The following SHISA9 variants were observed in gnomAD, a reference collection of about 807,000 sequenced individuals.
SHISA9 encodes shisa family member 9, also known as protein shisa-9.
A neutral mutation model predicts 38.0 loss-of-function variants in SHISA9; 13 were observed. The observed-to-expected ratio is 0.34, with a 90% CI of 0.22 to 0.54. SHISA9 has a LOEUF of 0.54. Among genes scored for constraint, SHISA9 ranks in the 20% least tolerant of loss-of-function variants. SHISA9 has a pLI of 0.91. For synonymous variants in SHISA9, 275 were observed against 242.0 expected, an observed-to-expected ratio of 1.14 and a Z score of -1.27; for missense variants, 538 against 575.8, an observed-to-expected ratio of 0.93 and a Z score of 0.67.
chr16:12,974,062 C>G (rs555867201), intron 2 of SHISA9, among the ~76,000 whole-genome samples: 1 of 152,258 alleles, frequency 6.6e-6, no homozygotes, highest in Admixed American at 6.5e-5. Context: ...TGCCAGGATT[C>G]TTTGGTGGTA....
chr16:13,148,957 C>T (rs1178524259), intron 2 of SHISA9, among the ~76,000 whole-genome samples: 1 of 152,170 alleles, frequency 6.6e-6, no homozygotes, highest in Non-Finnish European at 1.5e-5. Flanking sequence ...ACTCCAACAG[C>T]TCTGATGTCT....
intron 2 of SHISA9, among the ~76,000 whole-genome samples, chr16:13,097,812 A>G (rs4781406): frequency 0.052 from 7,990 of 152,228 alleles, 349 homozygotes; most frequent in Admixed American, 0.14. Context: ...GAGTTTTAGA[A>G]GTAAGTACAG....
intron 1 of SHISA9, among the ~76,000 whole-genome samples, chr16:12,915,998 TG>T (rs2071249821): frequency 1.2e-5 from 1 of 83,300 alleles, no homozygotes; most frequent in African/African-American, 3.3e-5. Flanking sequence ...TTTTTTTTTG[TG>T]TGTGTGTGTG....
the SHISA9 span, among the ~76,000 whole-genome samples, chr16:13,512,097 G>C: frequency 6.6e-6 from 1 of 152,082 alleles, no homozygotes; most frequent in South Asian, 2.1e-4. Flanking sequence ...AAGCATAAAA[G>C]CAAGCCTCAA....
At chr16:12,991,761 C>G (rs1378646545) in intron 2 of SHISA9, among the ~76,000 whole-genome samples, 1 of 152,022 alleles carries the variant, frequency 6.6e-6, no homozygotes, top group Non-Finnish European at 1.5e-5. Context: ...GTGATCCAAG[C>G]CTGTGTGTTC....
At chr16:13,485,306 C>T in the SHISA9 span, among the ~76,000 whole-genome samples, 9 of 151,942 alleles carry the variant, frequency 5.9e-5, no homozygotes, top group Non-Finnish European at 1.5e-5. Context: ...GTTTTCTGTT[C>T]CTGTGTTAGT....
chr16:13,398,442 A>T, the SHISA9 span, among the ~76,000 whole-genome samples: 1 of 151,474 alleles, frequency 6.6e-6, no homozygotes, highest in Admixed American at 6.6e-5. Flanking sequence ...TTATTTACTT[A>T]TTCGTCTTCC....
chr16:12,928,831 A>G lies in SHISA9; in HGVS notation c.691+12016A>G, dbSNP rs118133151. ...AAAATTTAGTGCATATATCAAGTCA[A>G]AGAATGTCATCAAACAATTCTTTGA... On this transcript the variant is annotated intron_variant, in intron 2 of 4. Coordinates refer to ENST00000558583, the MANE Select transcript of SHISA9 (RefSeq NM_001145204.3). Among the ~76,000 whole-genome samples, 59 of 152,368 alleles carry G rather than the reference A, an allele frequency of 3.9e-4. No homozygotes were observed. In the East Asian group the frequency reaches 0.011, roughly 27 times the overall value.
At chr16:13,090,420 T>C (rs1248682754) in intron 2 of SHISA9, among the ~76,000 whole-genome samples, 1 of 152,190 alleles carries the variant, frequency 6.6e-6, no homozygotes, top group Non-Finnish European at 1.5e-5. Flanking sequence ...TCTCCCATTA[T>C]TATTATGTGG....
the SHISA9 span, among the ~76,000 whole-genome samples, chr16:13,555,618 G>C: frequency 6.6e-6 from 1 of 152,178 alleles, no homozygotes; most frequent in South Asian, 2.1e-4. Flanking sequence ...TGCCTGGGGA[G>C]GTAGCAAGTT....
intron 2 of SHISA9, among the ~76,000 whole-genome samples, chr16:13,173,470 T>C (rs1205561428): frequency 6.8e-6 from 1 of 147,730 alleles, no homozygotes; most frequent in Non-Finnish European, 1.5e-5. Context: ...CCTGTGCTGA[T>C]AATAGGAGTG....
At chr16:13,141,518 C>G (rs2050401577) in intron 2 of SHISA9, among the ~76,000 whole-genome samples, 1 of 151,962 alleles carries the variant, frequency 6.6e-6, no homozygotes, top group African/African-American at 2.4e-5. Flanking sequence ...AACCCCATCT[C>G]TACTGAAAAT....
intron 2 of SHISA9, among the ~76,000 whole-genome samples, chr16:13,182,633 C>G (rs568305004): frequency 1.3e-5 from 2 of 152,280 alleles, no homozygotes; most frequent in Admixed American, 6.5e-5. Context: ...GATATACAAA[C>G]TAAGATGTTT....
the SHISA9 span, among the ~76,000 whole-genome samples, chr16:13,355,136 A>G: frequency 1.3e-5 from 2 of 150,402 alleles, no homozygotes; most frequent in African/African-American, 4.9e-5. Flanking sequence ...TGGATAGGCA[A>G]AACAATTTGG....
the SHISA9 span, among the ~76,000 whole-genome samples, chr16:13,544,630 T>C: frequency 6.6e-6 from 1 of 151,824 alleles, no homozygotes; most frequent in Non-Finnish European, 1.5e-5. Flanking sequence ...TTTTTAGGTG[T>C]GAGTTTGGAG....
At chr16:13,003,438 G>C (rs755388311) in intron 2 of SHISA9, among the ~76,000 whole-genome samples, 2 of 152,216 alleles carry the variant, frequency 1.3e-5, no homozygotes, top group Non-Finnish European at 2.9e-5. Context: ...AAATGCTGCT[G>C]TATTTCCAAG....
chr16:12,940,597 C>T (rs1018402387), intron 2 of SHISA9, among the ~76,000 whole-genome samples: 1 of 152,214 alleles, frequency 6.6e-6, no homozygotes, highest in Non-Finnish European at 1.5e-5. Context: ...CCCTGCTTTC[C>T]TTTGTTCTGT....
intron 2 of SHISA9, among the ~76,000 whole-genome samples, chr16:12,938,506 T>C (rs372714258): frequency 1.5e-4 from 23 of 149,350 alleles, no homozygotes; most frequent in African/African-American, 4.1e-4. Context: ...CTCTCTCTCT[T>C]TTTTTTTTGA....
chr16:13,423,256 T>C, the SHISA9 span, among the ~76,000 whole-genome samples: 1 of 152,216 alleles, frequency 6.6e-6, no homozygotes, highest in African/African-American at 2.4e-5. Flanking sequence ...ATTGTCTACT[T>C]ACTTTGTAGA....
Sources: gnomAD v4.1 joint callset for allele counts (sites outside exome capture counted in the v4.1 genomes callset) on GRCh38, gnomAD v4.1.1 for gene constraint, MANE v1.5 for transcripts, NCBI Gene and HGNC (gene_info 2026-07-23, HGNC 2026-07-21) for gene names.